Variants in MUSK observed in about 807,000 individuals in gnomAD.
MUSK encodes muscle, skeletal receptor tyrosine-protein kinase.
MUSK carries 55 observed loss-of-function variants against 88.7 expected under a neutral mutation model. The ratio of observed to expected loss-of-function variants is 0.62; its 90% CI spans 0.50 to 0.78. The LOEUF is 0.78. Ranked by LOEUF, MUSK falls within the 30% of genes least tolerant of loss-of-function variation. The pLI is 0.00. For synonymous variants in MUSK, 387 were observed against 391.9 expected, an observed-to-expected ratio of 0.99 and a Z score of 0.15; for missense variants, 1,015 against 1,074.3, an observed-to-expected ratio of 0.94 and a Z score of 0.77.
chr9:110,735,151 G>A (rs181092903), intron 6 of MUSK, among the ~76,000 whole-genome samples: 97 of 152,070 alleles, frequency 6.4e-4, no homozygotes, highest in African/African-American at 2.1e-3. Flanking sequence ...ACAGTATGGC[G>A]GTTACTCAAA....
At chr9:110,732,809 ACC>A (rs1008839732) in intron 5 of MUSK, among the ~76,000 whole-genome samples, 2 of 152,004 alleles carry the variant, frequency 1.3e-5, no homozygotes, top group African/African-American at 4.8e-5. Context: ...TGGTTTTGGG[ACC>A]CACATTTCTA....
chr9:110,784,537 T>A (rs2132021426), intron 11 of MUSK, among the ~76,000 whole-genome samples: 1 of 152,210 alleles, frequency 6.6e-6, no homozygotes, highest in East Asian at 1.9e-4. Flanking sequence ...TCATAGATAA[T>A]ATGATTCAGT....
intron 7 of MUSK, among the ~76,000 whole-genome samples, chr9:110,750,586 G>A (rs1258847310): frequency 1.3e-5 from 2 of 152,150 alleles, no homozygotes; most frequent in African/African-American, 4.8e-5. Context: ...GTGGCCCTGT[G>A]GCTGGCCTGC....
intron 5 of MUSK, among the ~76,000 whole-genome samples, chr9:110,731,165 G>T (rs1034538484): frequency 6.6e-6 from 1 of 152,044 alleles, no homozygotes; most frequent in Non-Finnish European, 1.5e-5. Context: ...CAGGGTTCTA[G>T]AAATAGAGAC....
At chr9:110,712,411 C>T (rs1219045591) in intron 5 of MUSK, among the ~76,000 whole-genome samples, 2 of 152,016 alleles carry the variant, frequency 1.3e-5, no homozygotes, top group Admixed American at 6.6e-5. Flanking sequence ...ATCAATATAC[C>T]TTCCTTAAGA....
chr9:110,711,258 TA>T (rs71492899), intron 5 of MUSK, among the ~76,000 whole-genome samples: 18 of 152,020 alleles, frequency 1.2e-4, no homozygotes, highest in African/African-American at 3.6e-4. Flanking sequence ...ATAATAATAA[TA>T]AAAAAAATTT....
intron 7 of MUSK, among the ~76,000 whole-genome samples, chr9:110,748,781 T>A (rs2077210673): frequency 6.6e-6 from 1 of 152,220 alleles, no homozygotes; most frequent in South Asian, 2.1e-4. Flanking sequence ...ATTTGTAATA[T>A]GAGGTGAATA....
chr9:110,681,094 T>TATATAATATATATTATATAATATATAA (rs2076120870), intron 1 of MUSK, among the ~76,000 whole-genome samples: 1 of 15,998 alleles, frequency 6.3e-5, no homozygotes, highest in Non-Finnish European at 1.1e-4. Context: ...ATAATATATA[T>TATATAATATATATTATATAATATATAA]TATATAATAT....
intron 3 of MUSK, among the ~76,000 whole-genome samples, chr9:110,689,672 A>AATATATAACTATATATAG (rs2076267160): frequency 3.5e-4 from 3 of 8,646 alleles, no homozygotes; most frequent in Non-Finnish European, 5.7e-4. Context: ...TACATAGTAT[A>AATATATAACTATATATAG]TTATATATAA....
chr9:110,788,444 G>A (rs1433419278), intron 14 of MUSK, among the ~76,000 whole-genome samples: 5 of 151,846 alleles, frequency 3.3e-5, no homozygotes, highest in African/African-American at 4.8e-5. Context: ...CCAGCCTGGC[G>A]AACAAGGTGA....
chr9:110,714,410 G>A (rs981995488), intron 5 of MUSK, among the ~76,000 whole-genome samples: 1 of 152,122 alleles, frequency 6.6e-6, no homozygotes, highest in African/African-American at 2.4e-5. Context: ...ATTGAGGCAG[G>A]CAGCCCTTAT....
At chr9:110,723,678 A>G (rs1006489540) in intron 5 of MUSK, among the ~76,000 whole-genome samples, 7 of 152,224 alleles carry the variant, frequency 4.6e-5, no homozygotes, top group Middle Eastern at 3.4e-3. Context: ...TCATCCCCAA[A>G]ACACAGGCAA....
At chr9:110,694,393 AAAAAAAAAAAAAAC>A (rs1407674490) in intron 3 of MUSK, among the ~76,000 whole-genome samples, 1 of 144,406 alleles carries the variant, frequency 6.9e-6, no homozygotes, top group Non-Finnish European at 1.5e-5. Context: ...CTCAAAAAAA[AAAAAAAAAAAAAAC>A]AAAAAAACAA....
chr9:110,682,502 G>C (rs1405586656), intron 1 of MUSK, among the ~76,000 whole-genome samples, 172 bp from the exon 2 acceptor site: 1 of 152,004 alleles, frequency 6.6e-6, no homozygotes, highest in Non-Finnish European at 1.5e-5. Context: ...CAAATGCCTA[G>C]TTTGGAAGTA....
At chr9:110,670,786 A>T (rs1235429070) in intron 1 of MUSK, among the ~76,000 whole-genome samples, 1 of 152,156 alleles carries the variant, frequency 6.6e-6, no homozygotes, top group East Asian at 1.9e-4. Context: ...GTAAAATCTA[A>T]ATTAGTATGA....
intron 6 of MUSK, among the ~76,000 whole-genome samples, chr9:110,741,105 A>G (rs2077091966): frequency 6.6e-6 from 1 of 152,110 alleles, no homozygotes; most frequent in Non-Finnish European, 1.5e-5. Flanking sequence ...TGCGCACTTG[A>G]AATTTGCTAA....
intron 3 of MUSK, among the ~76,000 whole-genome samples, chr9:110,689,628 A>G (rs1303419089): frequency 8.6e-5 from 7 of 81,534 alleles, no homozygotes; most frequent in Non-Finnish European, 1.3e-4. Context: ...TATATATTAT[A>G]TATTAGTATA....
At chr9:110,713,086 C>A (rs1329003743) in intron 5 of MUSK, among the ~76,000 whole-genome samples, 1 of 151,826 alleles carries the variant, frequency 6.6e-6, no homozygotes. Flanking sequence ...GGAAAAAATT[C>A]AGATTTACCA....
intron 5 of MUSK, among the ~76,000 whole-genome samples, chr9:110,711,695 C>G (rs988582843): frequency 1.3e-5 from 2 of 152,132 alleles, no homozygotes; most frequent in African/African-American, 4.8e-5. Flanking sequence ...GGTTAACGTT[C>G]TTGATGCCCA....
Sources: gnomAD v4.1 joint callset for allele counts (sites outside exome capture counted in the v4.1 genomes callset) on GRCh38, gnomAD v4.1.1 for gene constraint, MANE v1.5 for transcripts, NCBI Gene and HGNC (gene_info 2026-07-23, HGNC 2026-07-21) for gene names.